Variants in SDK1 observed in about 807,000 individuals in gnomAD.
SDK1 encodes sidekick cell adhesion molecule 1, also known as protein sidekick-1.
Under a neutral mutation model 245.5 loss-of-function variants are expected in SDK1, and 157 were observed. The ratio of observed to expected loss-of-function variants is 0.64; its 90% CI spans 0.56 to 0.73. SDK1 has a LOEUF of 0.73. Ranked by LOEUF, SDK1 falls within the 30% of genes least tolerant of loss-of-function variation. SDK1 has a pLI of 0.00. For synonymous variants in SDK1, 1,647 were observed against 1,278.5 expected (o/e 1.29, Z -6.15); for missense variants, 3,583 against 3,002.3 (o/e 1.19, Z -4.52).
chr7:3,319,878 CT>C (rs57770805), intron 1 of SDK1, among the ~76,000 whole-genome samples: 906 of 88,140 alleles, frequency 0.01, 45 homozygotes, highest in African/African-American at 0.034. Flanking sequence ...CATTCTTAGT[CT>C]TTTTTTTTTT....
chr7:3,475,552 G>T (rs1253741371), intron 1 of SDK1, among the ~76,000 whole-genome samples: 1 of 152,150 alleles, frequency 6.6e-6, no homozygotes, highest in African/African-American at 2.4e-5. Context: ...TTTTCTAATT[G>T]TGAAGTTTAT....
intron 1 of SDK1, among the ~76,000 whole-genome samples, chr7:3,530,999 T>G (rs1349668066): frequency 6.6e-6 from 1 of 152,238 alleles, no homozygotes; most frequent in Non-Finnish European, 1.5e-5. Context: ...ATGATGTGGC[T>G]TGTGTTTGGA....
chr7:3,516,017 G>T (rs539978289), intron 1 of SDK1, among the ~76,000 whole-genome samples: 4 of 151,824 alleles, frequency 2.6e-5, no homozygotes, highest in Non-Finnish European at 2.9e-5. Flanking sequence ...TAGTTCATCA[G>T]ATGAGAGCTA....
chr7:3,384,737 G>A (rs541193621), intron 1 of SDK1, among the ~76,000 whole-genome samples: 25 of 152,268 alleles, frequency 1.6e-4, no homozygotes, highest in Non-Finnish European at 3.1e-4. Flanking sequence ...TTACACCTAC[G>A]TGTACATATG....
At chr7:4,023,205 T>G (rs1304114354) in intron 17 of SDK1, among the ~76,000 whole-genome samples, 1 of 152,202 alleles carries the variant, frequency 6.6e-6, no homozygotes, top group Non-Finnish European at 1.5e-5. Flanking sequence ...ATATAAACTT[T>G]CTAACTTTCC....
At chr7:3,730,227 C>G (rs944558214) in intron 4 of SDK1, among the ~76,000 whole-genome samples, 1 of 152,148 alleles carries the variant, frequency 6.6e-6, no homozygotes, top group Non-Finnish European at 1.5e-5. Context: ...GGAAGGGCAT[C>G]TCAGCCTCAC....
intron 1 of SDK1, among the ~76,000 whole-genome samples, chr7:3,599,780 G>A (rs1221718968): frequency 6.6e-6 from 1 of 152,110 alleles, no homozygotes; most frequent in Non-Finnish European, 1.5e-5. Flanking sequence ...TTGAGTGTTT[G>A]CCAGCTCTCT....
At chr7:3,635,819 A>G (rs1003496132) in intron 2 of SDK1, among the ~76,000 whole-genome samples, 4 of 151,826 alleles carry the variant, frequency 2.6e-5, no homozygotes, top group Admixed American at 2.6e-4. Flanking sequence ...TGATCTTCCC[A>G]CCTCAGCCCC....
intron 40 of SDK1, among the ~76,000 whole-genome samples, chr7:4,228,491 G>A (rs1785565573): frequency 6.6e-6 from 1 of 152,220 alleles, no homozygotes; most frequent in Non-Finnish European, 1.5e-5. Context: ...AGTGATCTGG[G>A]GATGTGGCTT....
intron 4 of SDK1, among the ~76,000 whole-genome samples, chr7:3,809,983 C>G (rs1386104361): frequency 6.6e-6 from 1 of 152,236 alleles, no homozygotes; most frequent in Non-Finnish European, 1.5e-5. Flanking sequence ...CAGCCATGCA[C>G]AGTCCTCCCA....
At chr7:3,817,074 T>G (rs1200492121) in intron 4 of SDK1, among the ~76,000 whole-genome samples, 6 of 152,206 alleles carry the variant, frequency 3.9e-5, no homozygotes, top group Admixed American at 1.3e-4. Context: ...TATAAATTGA[T>G]GTGGATATTA....
chr7:4,131,833 A>G (rs989782679), intron 27 of SDK1, among the ~76,000 whole-genome samples: 4 of 105,026 alleles, frequency 3.8e-5, no homozygotes, highest in Non-Finnish European at 8.4e-5. Flanking sequence ...GAGAGAAATG[A>G]TTGAGGATAC....
At chr7:3,638,532 G>A (rs1230517846) in intron 2 of SDK1, among the ~76,000 whole-genome samples, 1 of 149,710 alleles carries the variant, frequency 6.7e-6, no homozygotes, top group South Asian at 2.1e-4. Context: ...ACTAACACAA[G>A]GACAAAAAAC....
chr7:4,081,216 C>T (rs1781035918), intron 22 of SDK1, among the ~76,000 whole-genome samples: 1 of 152,180 alleles, frequency 6.6e-6, no homozygotes, highest in Non-Finnish European at 1.5e-5. Context: ...TCTGTGCATC[C>T]AGGCAGGCCT....
intron 4 of SDK1, among the ~76,000 whole-genome samples, chr7:3,739,517 C>A (rs538014324): frequency 2.6e-4 from 39 of 152,084 alleles, no homozygotes; most frequent in Middle Eastern, 3.4e-3. Flanking sequence ...TGCTATTAGC[C>A]TGTCTTCAAG....
In SDK1 at chr7:3,840,606, A is replaced by G. The variant is rs570177888; in HGVS notation, c.847+19023A>G. On this transcript the variant is annotated intron_variant, in intron 5 of 44. Transcript: ENST00000404826. The stretch of plus-strand genomic sequence containing the variant: ...TTAACAAGATATTTAGGTGATTCAT[A>G]TGCACGTTAAAGTTTTAAAAAACCA... 5.3e-5 allele frequency among the ~76,000 whole-genome samples: 8 copies of G among 152,284 alleles called. No homozygotes were observed. In the South Asian group the frequency reaches 1.7e-3, roughly 32 times the overall value.
intron 2 of SDK1, among the ~76,000 whole-genome samples, chr7:3,632,947 A>T (rs1053744582): frequency 2.0e-5 from 3 of 152,204 alleles, no homozygotes; most frequent in African/African-American, 7.2e-5. Context: ...TGGATTTTTT[A>T]AATTTCATGT....
At chr7:4,221,182 G>A in intron 39 of SDK1, 57 bp from the exon 40 acceptor site, 1 of 1,599,746 alleles carries the variant, frequency 6.3e-7, no homozygotes, top group Non-Finnish European at 8.5e-7. Context: ...CTCACGGGGT[G>A]GGATGTGAGC....
rs145999993 is a variant in SDK1, at chr7:3,500,503, G to C, written c.299-118577G>C. Among the ~76,000 whole-genome samples the C allele has an allele frequency of 2.0e-5, 3 of 152,214 alleles. No homozygotes were observed. The East Asian group carries it at 5.8e-4, about 29-fold the overall frequency. ...TTCTTGCTTCCAGTGTTGCTGTTGA[G>C]AAGTTAAGAGTCATTCTGCTTTCTC... On this transcript the variant is annotated intron_variant, in intron 1 of 44. Coordinates refer to ENST00000404826, the MANE Select transcript of SDK1 (RefSeq NM_152744.4).
Sources: allele counts gnomAD v4.1 joint callset (sites outside exome capture counted in the v4.1 genomes callset), GRCh38; gene constraint gnomAD v4.1.1; transcripts MANE v1.5; gene names NCBI Gene and HGNC (gene_info 2026-07-23, HGNC 2026-07-21).